Variants in MFHAS1 observed in about 807,000 individuals in gnomAD.
MFHAS1 encodes multifunctional ROCO family signaling regulator 1.
In MFHAS1, 50 loss-of-function variants were observed where a neutral mutation model predicts 70.4. That is an observed-to-expected ratio of 0.71 (90% CI 0.57 to 0.90). MFHAS1 has a LOEUF of 0.90. Ranked by LOEUF, MFHAS1 falls within the 40% of genes least tolerant of loss-of-function variation. The pLI is 0.00. For missense variants in MFHAS1, 1,795 were observed against 1,347.6 expected (o/e 1.33, Z -5.20); for synonymous variants, 952 against 620.0 (o/e 1.54, Z -7.96).
chr8:8,828,268 G>A (rs943339938), intron 1 of MFHAS1, among the ~76,000 whole-genome samples: 1 of 152,222 alleles, frequency 6.6e-6, no homozygotes, highest in African/African-American at 2.4e-5. Context: ...GGAGCAACAG[G>A]AACTGTTTAA....
chr8:8,823,562 T>C (rs778123158), intron 1 of MFHAS1, among the ~76,000 whole-genome samples: 9 of 151,970 alleles, frequency 5.9e-5, no homozygotes, highest in Non-Finnish European at 1.0e-4. Flanking sequence ...TAAAAATATA[T>C]TTTCTACTTA....
In MFHAS1 at chr8:8,784,270, A is replaced by T. The variant is rs1350814279; in HGVS notation, c.*1752T>A. 1 of 150,716 alleles carries T rather than the reference A, an allele frequency of 6.6e-6. No homozygotes were observed. Among genetic ancestry groups the T allele is most frequent in the Non-Finnish European group, 1.5e-5 (1 of 67,396 alleles). The allele number at this position is 150,716 out of a possible 1,614,324, so 9.3% of individuals were successfully genotyped here. A position where few individuals can be genotyped will look rare whatever the true frequency, so the allele number is the denominator to read the frequency against. On this transcript the variant is annotated 3_prime_UTR_variant, in exon 3 of 3. Coordinates refer to ENST00000276282, the MANE Select transcript of MFHAS1 (RefSeq NM_004225.3). The stretch of plus-strand genomic sequence containing the variant: ...AAAAAGCAATTAAATGTGACCATTC[A>T]GTTTTACACACATGCACACACACAC...
intron 1 of MFHAS1, among the ~76,000 whole-genome samples, chr8:8,860,223 C>T (rs1808610253): frequency 6.6e-6 from 1 of 152,226 alleles, no homozygotes; most frequent in African/African-American, 2.4e-5. Context: ...CCATCCCACT[C>T]ACACGACAGC....
At chr8:8,807,035 G>GA (rs1339082382) in intron 1 of MFHAS1, among the ~76,000 whole-genome samples, 9 of 152,006 alleles carry the variant, frequency 5.9e-5, no homozygotes, top group East Asian at 5.8e-4. Context: ...TTATGATGTT[G>GA]GGGGTATAGA....
At chr8:8,833,043 CG>C (rs1807465509) in intron 1 of MFHAS1, among the ~76,000 whole-genome samples, 1 of 152,026 alleles carries the variant, frequency 6.6e-6, no homozygotes, top group African/African-American at 2.4e-5. Flanking sequence ...CAGAGGGCAA[CG>C]GGGGAGCAGG....
intron 1 of MFHAS1, among the ~76,000 whole-genome samples, chr8:8,848,422 G>A (rs1367229768): frequency 1.3e-5 from 2 of 149,862 alleles, no homozygotes; most frequent in Non-Finnish European, 3.0e-5. Context: ...AAGAAGCCAT[G>A]CCATCCCACT....
chr8:8,886,334 T>C (rs1809751416), intron 1 of MFHAS1, among the ~76,000 whole-genome samples: 1 of 151,998 alleles, frequency 6.6e-6, no homozygotes, highest in Non-Finnish European at 1.5e-5. Context: ...TGATTTTTAT[T>C]TTTTATTTTT....
chr8:8,810,455 C>A (rs111321929), intron 1 of MFHAS1, among the ~76,000 whole-genome samples: 1 of 152,312 alleles, frequency 6.6e-6, no homozygotes, highest in African/African-American at 2.4e-5. Flanking sequence ...AAATTTTCTT[C>A]CACTTCTGCC....
At chr8:8,850,873 C>CAA (rs954907059) in intron 1 of MFHAS1, among the ~76,000 whole-genome samples, 2 of 151,456 alleles carry the variant, frequency 1.3e-5, no homozygotes, top group Admixed American at 6.6e-5. Context: ...ACCCGCTACA[C>CAA]ACCAATTCAT....
In MFHAS1 at chr8:8,798,581, C is replaced by G. The variant is rs531400540; in HGVS notation, c.2999-1090G>C. 3.3e-5 allele frequency among the ~76,000 whole-genome samples: 5 copies of G among 152,280 alleles called. No individual in the cohort carries two copies. In the East Asian group the frequency reaches 9.7e-4, roughly 29 times the overall value. On this transcript the variant is annotated intron_variant, in intron 1 of 2. Transcript: ENST00000276282. ...CAAACTTCTGGCCTCAAGCAATCCT[C>G]CCACCTCAGCCTCCCAAAGTGCTGG...
At chr8:8,821,827 G>C (rs1476701576) in intron 1 of MFHAS1, 1 of 152,254 alleles carries the variant, frequency 6.6e-6, no homozygotes, top group Admixed American at 6.5e-5. Flanking sequence ...CACCGTAGGA[G>C]CATGTGGACA....
chr8:8,796,688 C>CAAAAAAAAAAAAAAAAAAAA (rs55756300), intron 2 of MFHAS1, among the ~76,000 whole-genome samples: 1 of 24,758 alleles, frequency 4.0e-5, no homozygotes, highest in African/African-American at 1.7e-4. Context: ...CGTCTCAAAA[C>CAAAAAAAAAAAAAAAAAAAA]AAAAAAAAAA....
At chr8:8,846,601 C>G (rs1808048123) in intron 1 of MFHAS1, among the ~76,000 whole-genome samples, 1 of 152,034 alleles carries the variant, frequency 6.6e-6, no homozygotes, top group Non-Finnish European at 1.5e-5. Context: ...GCTGGCACCT[C>G]TCTGATCTCT....
chr8:8,862,516 A>T (rs1808705358), intron 1 of MFHAS1, among the ~76,000 whole-genome samples: 1 of 152,100 alleles, frequency 6.6e-6, no homozygotes, highest in South Asian at 2.1e-4. Context: ...AAAATTTCTT[A>T]AACTAAAAAA....
Position 8,870,392 on chromosome 8 carries a change from G to C in MFHAS1, c.2998+19669C>G, listed in dbSNP as rs546024104. ...GCAGTGGAAGGATAGCTTGAGCCCA[G>C]GAAGTTGAGGCTGTGGTAAGCTGAA... On this transcript the variant is annotated intron_variant, in intron 1 of 2. Transcript: ENST00000276282. Among the ~76,000 whole-genome samples the C allele has an allele frequency of 4.6e-5, 7 of 152,150 alleles. No homozygotes were observed. In the South Asian group the frequency reaches 1.5e-3, roughly 32 times the overall value.
At chr8:8,810,264 G>A (rs543890800) in intron 1 of MFHAS1, among the ~76,000 whole-genome samples, 1 of 152,338 alleles carries the variant, frequency 6.6e-6, no homozygotes, top group African/African-American at 2.4e-5. Context: ...TACTCAGGAG[G>A]CTGAGGCAGG....
chr8:8,799,542 G>A (rs1438716744), intron 1 of MFHAS1, among the ~76,000 whole-genome samples: 2 of 152,164 alleles, frequency 1.3e-5, no homozygotes, highest in Non-Finnish European at 2.9e-5. Flanking sequence ...GATCGCTTGA[G>A]CCCAGGAGTT....
At chr8:8,819,099 A>G (rs1001837707) in intron 1 of MFHAS1, among the ~76,000 whole-genome samples, 1 of 138,906 alleles carries the variant, frequency 7.2e-6, no homozygotes, top group Admixed American at 8.2e-5. Flanking sequence ...ATGGAATATC[A>G]CGTGGCCAGT....
At chr8:8,856,042 C>T (rs976190640) in intron 1 of MFHAS1, among the ~76,000 whole-genome samples, 5 of 152,070 alleles carry the variant, frequency 3.3e-5, no homozygotes, top group Non-Finnish European at 7.4e-5. Context: ...TGAAAGCGAG[C>T]GGGGACTGAA....
Sources: allele counts gnomAD v4.1 joint callset (sites outside exome capture counted in the v4.1 genomes callset), GRCh38; gene constraint gnomAD v4.1.1; transcripts MANE v1.5; gene names NCBI Gene and HGNC (gene_info 2026-07-23, HGNC 2026-07-21).